The following LDB2 variants were observed in gnomAD, a reference collection of about 807,000 sequenced individuals.
LDB2 encodes the protein LIM domain-binding protein 2.
LDB2 carries 12 observed loss-of-function variants against 44.3 expected under a neutral mutation model. The ratio of observed to expected loss-of-function variants is 0.27; its 90% CI spans 0.17 to 0.44. The LOEUF (loss-of-function observed/expected upper bound fraction) is 0.44, where lower values mean the gene tolerates loss of function less well. Ranked by LOEUF, LDB2 falls within the 20% of genes least tolerant of loss-of-function variation. LDB2 has a pLI of 1.00. For missense variants in LDB2, 344 were observed against 473.5 expected (o/e 0.73, Z 2.54); for synonymous variants, 164 against 174.8 (o/e 0.94, Z 0.49).
At chr4:16,508,878 C>T (rs1343322911) in intron 6 of LDB2, among the ~76,000 whole-genome samples, 192 bp from the exon 7 acceptor site, 6 of 152,128 alleles carry the variant, frequency 3.9e-5, no homozygotes, top group African/African-American at 1.4e-4. Flanking sequence ...AAATATGTGA[C>T]ACTCTTTTCT....
intron 1 of LDB2, among the ~76,000 whole-genome samples, chr4:16,863,234 A>C (rs938361325): frequency 1.3e-5 from 2 of 152,196 alleles, no homozygotes; most frequent in Non-Finnish European, 2.9e-5. Flanking sequence ...AAAGGTGCCA[A>C]AGATAGAGAA....
intron 2 of LDB2, among the ~76,000 whole-genome samples, chr4:16,648,432 T>C (rs535987089): frequency 6.6e-6 from 1 of 152,362 alleles, no homozygotes; most frequent in East Asian, 1.9e-4. Context: ...AGGCATTGTG[T>C]ATACATTTTC....
At chr4:16,885,337 TAAAA>T (rs138372888) in intron 1 of LDB2, among the ~76,000 whole-genome samples, 1 of 151,218 alleles carries the variant, frequency 6.6e-6, no homozygotes, top group Non-Finnish European at 1.5e-5. Context: ...CTCAAAAAAA[TAAAA>T]AAAGAAAGTG....
intron 2 of LDB2, chr4:16,750,744 G>A (rs1215576427): frequency 3.3e-5 from 5 of 152,170 alleles, no homozygotes; most frequent in Non-Finnish European, 7.3e-5. Flanking sequence ...AAATAATGTT[G>A]TAGTAGAAGT....
chr4:16,897,918 ATATATATATATATATATATACACATATG>A (rs1725657447), intron 1 of LDB2, among the ~76,000 whole-genome samples: 2 of 17,462 alleles, frequency 1.1e-4, no homozygotes, highest in African/African-American at 7.8e-4. Context: ...ATATATATAT[ATATATATATATATATATATACACATATG>A]TATATATATA....
intron 2 of LDB2, among the ~76,000 whole-genome samples, chr4:16,666,859 T>C (rs1003502409): frequency 3.3e-5 from 5 of 152,220 alleles, no homozygotes; most frequent in Non-Finnish European, 5.9e-5. Context: ...CAGCACTTCA[T>C]TGTGTTTTTT....
intron 2 of LDB2, among the ~76,000 whole-genome samples, chr4:16,722,433 C>CTTTTTTTTCTGTGATT (rs1342971479): frequency 2.0e-5 from 3 of 152,096 alleles, no homozygotes; most frequent in African/African-American, 7.2e-5. Context: ...CTCTCAGGAC[C>CTTTTTTTTCTGTGATT]CTTTAGCTCC....
intron 2 of LDB2, among the ~76,000 whole-genome samples, chr4:16,728,667 C>A (rs1760064529): frequency 6.6e-6 from 1 of 152,186 alleles, no homozygotes; most frequent in South Asian, 2.1e-4. Flanking sequence ...TTCTAGCCAA[C>A]TGCAATATGA....
chr4:16,751,386 T>C (rs983035522), intron 2 of LDB2, among the ~76,000 whole-genome samples: 5 of 152,224 alleles, frequency 3.3e-5, no homozygotes, highest in African/African-American at 1.2e-4. Flanking sequence ...CATTATCTCA[T>C]GCGATCATTA....
At chr4:16,854,206 T>C (rs1788864986) in intron 1 of LDB2, among the ~76,000 whole-genome samples, 1 of 152,132 alleles carries the variant, frequency 6.6e-6, no homozygotes, top group South Asian at 2.1e-4. Context: ...GTTATTTGCT[T>C]TACTATAGTA....
chr4:16,858,949 T>A (rs982978886), intron 1 of LDB2, among the ~76,000 whole-genome samples: 8 of 152,204 alleles, frequency 5.3e-5, no homozygotes, highest in African/African-American at 1.7e-4. Flanking sequence ...AAATTAAGAC[T>A]TTTTTAAAAT....
chr4:16,696,887 G>A (rs2152620358), intron 2 of LDB2, among the ~76,000 whole-genome samples: 1 of 152,210 alleles, frequency 6.6e-6, no homozygotes, highest in South Asian at 2.1e-4. Flanking sequence ...TAGTAGGTCT[G>A]GAGTGGTGCC....
chr4:16,871,306 T>C (rs926994666), intron 1 of LDB2, among the ~76,000 whole-genome samples: 8 of 152,206 alleles, frequency 5.3e-5, no homozygotes, highest in Non-Finnish European at 1.0e-4. Flanking sequence ...CTACAGAAAT[T>C]GGCAAATGCT....
intron 1 of LDB2, among the ~76,000 whole-genome samples, chr4:16,817,716 A>T (rs1297945110): frequency 6.6e-6 from 1 of 152,184 alleles, no homozygotes; most frequent in Non-Finnish European, 1.5e-5. Context: ...CCTCAAAGTA[A>T]TCATATAAGG....
chr4:16,745,468 G>A (rs942304484), intron 2 of LDB2, among the ~76,000 whole-genome samples: 1 of 152,188 alleles, frequency 6.6e-6, no homozygotes, highest in Non-Finnish European at 1.5e-5. Context: ...CCAAAGTTTA[G>A]CAAATTCACA....
chr4:16,788,021 ATGTGCCTGGCCAC>A (rs1281845609), intron 1 of LDB2, among the ~76,000 whole-genome samples: 1 of 152,138 alleles, frequency 6.6e-6, no homozygotes, highest in Non-Finnish European at 1.5e-5. Context: ...CTTGGGGTGC[ATGTGCCTGGCCAC>A]TCTCTTTCTT....
intron 5 of LDB2, among the ~76,000 whole-genome samples, chr4:16,519,243 A>G (rs1725035508): frequency 6.6e-6 from 1 of 152,102 alleles, no homozygotes; most frequent in Admixed American, 6.5e-5. Flanking sequence ...ACCTTAAATT[A>G]TTATGTCATT....
intron 2 of LDB2, among the ~76,000 whole-genome samples, chr4:16,643,950 T>G (rs1027311938): frequency 1.3e-5 from 2 of 152,238 alleles, no homozygotes; most frequent in Non-Finnish European, 2.9e-5. Flanking sequence ...TTTTCATTGT[T>G]TCTTTGGTCT....
At chr4:16,645,875 C>T (rs567774238) in intron 2 of LDB2, among the ~76,000 whole-genome samples, 1 of 152,160 alleles carries the variant, frequency 6.6e-6, no homozygotes, top group Non-Finnish European at 1.5e-5. Flanking sequence ...ACTTCAAGAG[C>T]TGTCTTGAAA....
Sources: allele counts gnomAD v4.1 joint callset (sites outside exome capture counted in the v4.1 genomes callset), GRCh38; gene constraint gnomAD v4.1.1; transcripts MANE v1.5; gene names NCBI Gene and HGNC (gene_info 2026-07-23, HGNC 2026-07-21).